Variants in FIG4 observed in about 807,000 individuals in gnomAD.
FIG4 encodes polyphosphoinositide phosphatase.
A neutral mutation model predicts 118.6 loss-of-function variants in FIG4; 112 were observed. The observed-to-expected ratio is 0.94, with a 90% CI of 0.81 to 1.11. The LOEUF is 1.11. Among genes scored for constraint, FIG4 ranks in the 50% least tolerant of loss-of-function variants. FIG4 has a pLI of 0.00. For synonymous variants in FIG4, 369 were observed against 381.2 expected (o/e 0.97, Z 0.37); for missense variants, 969 against 1,111.7 (o/e 0.87, Z 1.83).
In FIG4 at chr6:109,768,363, G is replaced by A. The variant is rs1272584836; in HGVS notation, c.1750+1468G>A. ...AGCATCTGGGAAAGCATCCATCAGA[G>A]TCAGCTGTCCACATTTTCTAGGCCC... On this transcript the variant is annotated intron_variant, in intron 15 of 22. Coordinates refer to ENST00000230124, the MANE Select transcript of FIG4 (RefSeq NM_014845.6). Among the ~76,000 whole-genome samples, 5 of 152,148 alleles carry A rather than the reference G, an allele frequency of 3.3e-5. 1 individual carries two copies. Among genetic ancestry groups the A allele is most frequent in the Non-Finnish European group, 5.9e-5 (4 of 68,020 alleles).
Position 109,704,779 on chromosome 6 carries a change from A to G in FIG4, c.67-10299A>G, listed in dbSNP as rs556792886. ...AGATTAAAAGATTTAAAAAGATGTA[A>G]CATAACTTTACATAAAGATAGGTAG... is the stretch of plus-strand genomic sequence containing the variant. On this transcript the variant is annotated intron_variant, in intron 1 of 22. Transcript: ENST00000230124. Among the ~76,000 whole-genome samples, 3 of 152,266 alleles carry G rather than the reference A, an allele frequency of 2.0e-5. No individual in the cohort carries two copies. In the South Asian group the frequency reaches 6.2e-4, roughly 32 times the overall value.
At chr6:109,814,431 C>T (rs776134770) in intron 22 of FIG4, among the ~76,000 whole-genome samples, 48 of 142,130 alleles carry the variant, frequency 3.4e-4, no homozygotes, top group South Asian at 5.2e-4. Context: ...CTTGAGCCAC[C>T]GTGCCTGGCC....
At chr6:109,761,062 A>AT (rs1370939482) in intron 11 of FIG4, among the ~76,000 whole-genome samples, 2 of 152,122 alleles carry the variant, frequency 1.3e-5, no homozygotes, top group African/African-American at 4.8e-5. Context: ...TTAAGGTCTT[A>AT]TTTTTTAAGA....
chr6:109,747,126 C>T (rs1776525372), intron 10 of FIG4, among the ~76,000 whole-genome samples: 1 of 152,008 alleles, frequency 6.6e-6, no homozygotes, highest in Non-Finnish European at 1.5e-5. Flanking sequence ...GGCCGAGAAG[C>T]GATGCTTGAG....
intron 16 of FIG4, among the ~76,000 whole-genome samples, chr6:109,782,104 A>G (rs1227469711): frequency 1.3e-5 from 2 of 152,180 alleles, no homozygotes; most frequent in African/African-American, 4.8e-5. Flanking sequence ...AACTCTTAAT[A>G]ATACTAGGAA....
chr6:109,824,422 G>A (rs2128402553), intron 22 of FIG4, among the ~76,000 whole-genome samples: 1 of 152,290 alleles, frequency 6.6e-6, no homozygotes, highest in African/African-American at 2.4e-5. Context: ...GGTGATTATT[G>A]TCAGCTCATT....
At chr6:109,695,607 C>CACACACACACACACACAG in intron 1 of FIG4, among the ~76,000 whole-genome samples, 1 of 152,078 alleles carries the variant, frequency 6.6e-6, no homozygotes, top group South Asian at 2.1e-4. Flanking sequence ...CACAGACACA[C>CACACACACACACACACAG]ACACACACAC....
At chr6:109,722,694 A>G (rs956367740) in intron 3 of FIG4, among the ~76,000 whole-genome samples, 8 of 152,022 alleles carry the variant, frequency 5.3e-5, no homozygotes, top group African/African-American at 1.9e-4. Context: ...ACAGCTGTAT[A>G]TGACTGTATC....
intron 4 of FIG4, among the ~76,000 whole-genome samples, chr6:109,732,256 G>A (rs1030785424): frequency 6.6e-6 from 1 of 152,062 alleles, no homozygotes; most frequent in African/African-American, 2.4e-5. Flanking sequence ...TAAAATTGTG[G>A]TGACCCACAT....
intron 7 of FIG4, 102 bp downstream of exon 7, chr6:109,738,555 T>C: frequency 1.8e-6 from 2 of 1,141,854 alleles, no homozygotes; most frequent in Non-Finnish European, 2.6e-6. Context: ...TACCACTCTG[T>C]GCACCCCAAC....
chr6:109,711,724 G>T (rs186464976), intron 1 of FIG4, among the ~76,000 whole-genome samples: 80 of 152,250 alleles, frequency 5.3e-4, no homozygotes, highest in African/African-American at 1.9e-3. Flanking sequence ...TATCCAGTTT[G>T]CCACTGTGTG....
chr6:109,762,311 CT>C, intron 12 of FIG4, 104 bp downstream of exon 12: 3 of 752,506 alleles, frequency 4.0e-6, no homozygotes. Context: ...GAATTTAGTC[CT>C]GGGGGGAGGC....
At chr6:109,774,854 C>T (rs1777573934) in intron 15 of FIG4, among the ~76,000 whole-genome samples, 1 of 152,024 alleles carries the variant, frequency 6.6e-6, no homozygotes, top group South Asian at 2.1e-4. Flanking sequence ...CCTTCCACCC[C>T]CACCCCAATA....
At chr6:109,821,467 G>GTTA (rs1263482890) in intron 22 of FIG4, among the ~76,000 whole-genome samples, 1 of 152,096 alleles carries the variant, frequency 6.6e-6, no homozygotes, top group African/African-American at 2.4e-5. Flanking sequence ...AGAAAGACAA[G>GTTA]TTAATAAAAG....
rs1776397194 is a variant in FIG4 at position 109,743,753 on chromosome 6, T to A, written c.1118T>A (p.Ile373Asn). The A allele has an allele frequency of 6.2e-7, 1 of 1,612,068 alleles. No homozygotes were observed. Among genetic ancestry groups the A allele is most frequent in the Admixed American group, 1.7e-5 (1 of 59,904 alleles). ...QMFQRFGSPIIILNLVKEREK... is the reference protein window; with the variant it reads ...QMFQRFGSPINILNLVKEREK... ...TTCCAGAGGTTTGGCTCTCCCATCA[T>A]CATCTTGAATTTAGTGAAGGTATGA... is the stretch of plus-strand genomic sequence containing the variant. The change falls in exon 10 of 23, where the codon ATC (isoleucine) becomes AAC (asparagine). Residue 373 changes from isoleucine (I) to asparagine (N), a missense_variant. By Grantham distance (149) the Ile-to-Asn change is moderately radical. Transcript: ENST00000230124.
chr6:109,771,247 T>C (rs1050172268), intron 15 of FIG4, among the ~76,000 whole-genome samples: 1 of 152,196 alleles, frequency 6.6e-6, no homozygotes, highest in African/African-American at 2.4e-5. Context: ...GAGAAAAGTT[T>C]GTAATTTATT....
At chr6:109,777,110 G>A in intron 16 of FIG4, 50 bp downstream of exon 16, 3 of 1,493,746 alleles carry the variant, frequency 2.0e-6, no homozygotes, top group Non-Finnish European at 2.8e-6. Flanking sequence ...GTGTTATTTT[G>A]AATATGAGAT....
chr6:109,759,244 T>C (rs978086551), intron 10 of FIG4, among the ~76,000 whole-genome samples: 9 of 152,048 alleles, frequency 5.9e-5, no homozygotes, highest in Non-Finnish European at 1.5e-5. Flanking sequence ...GGTACATATA[T>C]ACCATGGAAT....
At chr6:109,725,182 A>G (rs1007607904) in intron 3 of FIG4, among the ~76,000 whole-genome samples, 38 of 152,044 alleles carry the variant, frequency 2.5e-4, no homozygotes, top group African/African-American at 9.2e-4. Flanking sequence ...GGTTTGCTGT[A>G]CCTATCAACC....
Sources: gnomAD v4.1 joint callset for allele counts (sites outside exome capture counted in the v4.1 genomes callset) on GRCh38, gnomAD v4.1.1 for gene constraint, MANE v1.5 for transcripts, NCBI Gene and HGNC (gene_info 2026-07-23, HGNC 2026-07-21) for gene names.